The following SLC9A7 variants were observed in gnomAD, a reference collection of about 807,000 sequenced individuals.
SLC9A7 encodes the protein sodium/hydrogen exchanger 7.
Under a neutral mutation model 52.6 loss-of-function variants are expected in SLC9A7, and 19 were observed. The ratio of observed to expected loss-of-function variants is 0.36; its 90% CI spans 0.25 to 0.53. The LOEUF (loss-of-function observed/expected upper bound fraction) is 0.53. Ranked by LOEUF, SLC9A7 falls within the 20% of genes least tolerant of loss-of-function variation. The pLI, the probability that SLC9A7 is intolerant of heterozygous loss-of-function variation, is 0.91. For synonymous variants in SLC9A7, 226 were observed against 252.1 expected (o/e 0.90, Z 0.98); for missense variants, 455 against 597.9 (o/e 0.76, Z 2.49).
At chrX:46,729,236 A>C (rs1345807109) in intron 1 of SLC9A7, among the ~76,000 whole-genome samples, 1 of 112,506 alleles carries the variant, frequency 8.9e-6, no homozygotes, top group Non-Finnish European at 1.9e-5. Flanking sequence ...TAAATAACTT[A>C]AGGAAAAACA....
At chrX:46,675,060 A>ACTGTGT (rs1332474489) in intron 3 of SLC9A7, among the ~76,000 whole-genome samples, 1 of 39,870 alleles carries the variant, frequency 2.5e-5, no homozygotes. Flanking sequence ...AGAGAGAGTG[A>ACTGTGT]ATGTGTGTGT....
intron 10 of SLC9A7, among the ~76,000 whole-genome samples, chrX:46,649,123 G>T (rs1943543273): frequency 2.2e-5 from 2 of 90,284 alleles, no homozygotes; most frequent in South Asian, 9.2e-4. Context: ...TATCTAAAAA[G>T]GAGTCCAGAA....
rs185923793 is a variant in SLC9A7, at chrX:46,686,063, G to C, written c.326-3528C>G. 1.6e-3 allele frequency among the ~76,000 whole-genome samples: 182 copies of C among 112,203 alleles called. 2 individuals carry two copies. The South Asian group carries it at 0.041, about 26-fold the overall frequency. On this transcript the variant is annotated intron_variant, in intron 1 of 16. Coordinates refer to ENST00000616978, the MANE Select transcript of SLC9A7 (RefSeq NM_001257291.2). ...TATTTGTAGACAAATTCCTCAATTA[G>C]AGGAAACATTCTTCAACTCTCTTCC...
intron 1 of SLC9A7, among the ~76,000 whole-genome samples, chrX:46,737,944 T>C (rs984182885): frequency 1.8e-5 from 2 of 108,301 alleles, no homozygotes; most frequent in African/African-American, 6.8e-5. Context: ...GGAGGATCAC[T>C]TGAGCCCAGG....
chrX:46,657,290 G>A (rs1475684531), intron 7 of SLC9A7, among the ~76,000 whole-genome samples: 14 of 108,573 alleles, frequency 1.3e-4, no homozygotes, highest in African/African-American at 4.4e-4. Context: ...AAAGACCATC[G>A]AGACTAGGAA....
intron 1 of SLC9A7, among the ~76,000 whole-genome samples, chrX:46,698,714 G>A (rs1008029937): frequency 1.8e-5 from 2 of 111,816 alleles, no homozygotes; most frequent in African/African-American, 3.3e-5. Context: ...GTGCTGAGAC[G>A]TGATCTTTTA....
chrX:46,711,981 C>T (rs1400461819), intron 1 of SLC9A7, among the ~76,000 whole-genome samples: 1 of 109,692 alleles, frequency 9.1e-6, no homozygotes, highest in African/African-American at 3.3e-5. Flanking sequence ...GTCATATGAT[C>T]ATATTTGGCT....
intron 15 of SLC9A7, among the ~76,000 whole-genome samples, chrX:46,615,276 C>T (rs1303891318): frequency 2.7e-5 from 3 of 112,277 alleles, no homozygotes; most frequent in South Asian, 7.3e-4. Flanking sequence ...CTCTTGACTT[C>T]GTGATCCACT....
At chrX:46,752,247 A>G (rs782402198) in intron 1 of SLC9A7, among the ~76,000 whole-genome samples, 1 of 111,985 alleles carries the variant, frequency 8.9e-6, no homozygotes, top group South Asian at 3.7e-4. Context: ...CCAAAGAATG[A>G]GTACATTCTC....
At chrX:46,667,481 A>C (rs1242184515) in intron 5 of SLC9A7, among the ~76,000 whole-genome samples, 4 of 111,168 alleles carry the variant, frequency 3.6e-5, no homozygotes, top group African/African-American at 1.3e-4. Flanking sequence ...GGCTATATAC[A>C]TTTAAATTAC....
intron 5 of SLC9A7, among the ~76,000 whole-genome samples, chrX:46,668,248 G>A (rs1265951807): frequency 4.5e-5 from 5 of 111,846 alleles, no homozygotes; most frequent in African/African-American, 9.7e-5. Context: ...GGTGGCTCAC[G>A]CCTGTAATTC....
At chrX:46,621,615 G>A (rs186332426) in intron 14 of SLC9A7, among the ~76,000 whole-genome samples, 228 of 111,230 alleles carry the variant, frequency 2.0e-3, no homozygotes, top group Non-Finnish European at 3.1e-3. Context: ...CAGTGGGCAG[G>A]AGAAACGAGC....
In SLC9A7 at chrX:46,599,775, T is replaced by G; in HGVS notation, c.*7177A>C. 9.0e-6 allele frequency: 1 copy of G among 111,542 alleles called. No individual in the cohort carries two copies. The highest frequency in any genetic ancestry group is 1.9e-5 in the Non-Finnish European group (1 of 53,259). 9.2% of individuals were successfully genotyped at this position (111,542 alleles called of 1,213,427 possible). A position where few individuals can be genotyped will look rare whatever the true frequency, so the allele number is the denominator to read the frequency against. ...TATATAACATACTATAATGTTAATT[T>G]TATAAAACCACCAGTTTGCTACTGT... On this transcript the variant is annotated 3_prime_UTR_variant, in exon 17 of 17. Coordinates refer to ENST00000616978, the MANE Select transcript of SLC9A7 (RefSeq NM_001257291.2).
chrX:46,706,164 T>C (rs1325473482), intron 1 of SLC9A7, among the ~76,000 whole-genome samples: 1 of 106,359 alleles, frequency 9.4e-6, no homozygotes, highest in Non-Finnish European at 1.9e-5. Context: ...TTTACAAGAC[T>C]GTCTTTCAGA....
intron 1 of SLC9A7, among the ~76,000 whole-genome samples, chrX:46,748,368 G>A (rs74893217): frequency 9.2e-4 from 34 of 37,120 alleles, no homozygotes; most frequent in Middle Eastern, 0.015. Context: ...AGAAAGAAAG[G>A]AAGGAAGGAA....
intron 1 of SLC9A7, among the ~76,000 whole-genome samples, chrX:46,751,075 C>T (rs1390049223): frequency 8.9e-6 from 1 of 112,328 alleles, no homozygotes; most frequent in African/African-American, 3.2e-5. Context: ...TAACCAAGTT[C>T]TGTCCAACAG....
At chrX:46,707,159 C>T (rs1944616813) in intron 1 of SLC9A7, among the ~76,000 whole-genome samples, 1 of 112,271 alleles carries the variant, frequency 8.9e-6, no homozygotes, top group South Asian at 3.7e-4. Flanking sequence ...CCTCTGCTGG[C>T]TTAAAGGCTT....
intron 7 of SLC9A7, among the ~76,000 whole-genome samples, chrX:46,656,802 G>T (rs374090436): frequency 9.1e-6 from 1 of 109,930 alleles, no homozygotes; most frequent in East Asian, 2.9e-4. Flanking sequence ...CACTCTGCAG[G>T]ATATTATCCA....
chrX:46,747,550 A>G (rs1471111244), intron 1 of SLC9A7, among the ~76,000 whole-genome samples: 1 of 111,683 alleles, frequency 9.0e-6, no homozygotes, highest in African/African-American at 3.3e-5. Context: ...TTTTTCCTAC[A>G]TGATTAAAAA....
Sources: allele counts gnomAD v4.1 joint callset (sites outside exome capture counted in the v4.1 genomes callset), GRCh38; gene constraint gnomAD v4.1.1; transcripts MANE v1.5; gene names NCBI Gene and HGNC (gene_info 2026-07-23, HGNC 2026-07-21).